Variants in TTC7A observed in about 807,000 individuals in gnomAD.
TTC7A encodes tetratricopeptide repeat domain 7A.
TTC7A carries 110 observed loss-of-function variants against 103.7 expected under a neutral mutation model. The observed-to-expected ratio is 1.06, with a 90% CI of 0.91 to 1.24. The LOEUF (loss-of-function observed/expected upper bound fraction) is 1.24, where lower values mean the gene tolerates loss of function less well. Among genes scored for constraint, TTC7A ranks in the 50% most tolerant of loss-of-function variants. The pLI is 0.00. For missense variants in TTC7A, 1,340 were observed against 1,116.3 expected (o/e 1.20, Z -2.86); for synonymous variants, 521 against 467.9 (o/e 1.11, Z -1.47).
At chr2:46,956,442 C>G (rs1297543805) in intron 2 of TTC7A, among the ~76,000 whole-genome samples, 1 of 152,160 alleles carries the variant, frequency 6.6e-6, no homozygotes, top group Non-Finnish European at 1.5e-5. Context: ...TGGGGCTCCA[C>G]AAAACTTAAC....
rs753872982 is a variant in TTC7A at position 47,029,402 on chromosome 2, ACT to A, written c.1802+21_1802+22del. 12 of 1,612,094 alleles carry A rather than the reference ACT, an allele frequency of 7.4e-6. No homozygotes were observed. In the South Asian group the frequency reaches 9.9e-5, roughly 13 times the overall value. ...AACTTCAAGTGAGTGCCCTGGGAAC[ACT>A]CTGGCAGTGGGGGAGCTGGCTGGCC... On this transcript the variant is annotated intron_variant, in intron 15 of 19. Coordinates refer to ENST00000319190, the MANE Select transcript of TTC7A (RefSeq NM_020458.4).
chr2:46,948,228 C>T (rs1671104742), intron 1 of TTC7A, among the ~76,000 whole-genome samples: 1 of 152,188 alleles, frequency 6.6e-6, no homozygotes, highest in South Asian at 2.1e-4. Flanking sequence ...CCTCTTTAGG[C>T]TCTGACTTCA....
At chr2:47,054,153 C>G (rs1683127599) in intron 18 of TTC7A, 3 of 985,294 alleles carry the variant, frequency 3.0e-6, no homozygotes, top group African/African-American at 1.7e-5. Context: ...GGCGCTGCAT[C>G]AGGGTCAGGC....
chr2:46,932,900 C>CAAAAA (rs34183870), intron 2 of TTC7A, among the ~76,000 whole-genome samples: 1,943 of 69,314 alleles, frequency 0.028, 55 homozygotes, highest in African/African-American at 0.094. Context: ...GACTCCATCT[C>CAAAAA]AAAAAAAAAA....
At chr2:47,056,704 A>G (rs1683347925) in intron 18 of TTC7A, among the ~76,000 whole-genome samples, 5 of 152,200 alleles carry the variant, frequency 3.3e-5, no homozygotes, top group Admixed American at 3.3e-4. Flanking sequence ...TGCCGAGAGA[A>G]AGCACAGAGG....
intron 15 of TTC7A, among the ~76,000 whole-genome samples, chr2:47,039,479 T>G (rs1022024643): frequency 3.0e-4 from 46 of 152,136 alleles, no homozygotes; most frequent in African/African-American, 1.1e-3. Context: ...GGGATGGAGA[T>G]GACCTCTGAC....
intron 3 of TTC7A, among the ~76,000 whole-genome samples, chr2:46,966,610 A>G (rs1256579189): frequency 6.7e-6 from 1 of 149,484 alleles, no homozygotes; most frequent in Non-Finnish European, 1.5e-5. Flanking sequence ...TTTTGCCATT[A>G]TAAATAATAC....
chr2:46,995,346 C>T, intron 8 of TTC7A, 147 bp downstream of exon 8: 1 of 782,184 alleles, frequency 1.3e-6, no homozygotes, highest in Non-Finnish European at 2.1e-6. Context: ...GCCCTGGGCC[C>T]CCATACAGCA....
intron 2 of TTC7A, among the ~76,000 whole-genome samples, chr2:46,931,121 G>A (rs1387511853): frequency 6.6e-6 from 1 of 152,204 alleles, no homozygotes; most frequent in Non-Finnish European, 1.5e-5. Flanking sequence ...CCCCAAAGAT[G>A]TTTATGTCCT....
chr2:46,919,273 G>T (rs1159028272), intron 2 of TTC7A, among the ~76,000 whole-genome samples: 1 of 152,204 alleles, frequency 6.6e-6, no homozygotes, highest in Admixed American at 6.5e-5. Context: ...GGTGGCTCAC[G>T]CCTGTAATCC....
intron 15 of TTC7A, chr2:47,040,612 C>T (rs1160423932): frequency 1.3e-5 from 2 of 152,224 alleles, no homozygotes; most frequent in Non-Finnish European, 2.9e-5. Context: ...CCAAGAAGCT[C>T]AGGGCTTTCT....
intron 2 of TTC7A, chr2:46,951,623 C>G (rs1339008371): frequency 2.2e-6 from 1 of 455,988 alleles, no homozygotes; most frequent in Non-Finnish European, 4.4e-6. Flanking sequence ...GTTACTCAGG[C>G]TGGTCTCCAA....
At chr2:47,029,531 G>T in intron 15 of TTC7A, 147 bp downstream of exon 15, 3 of 916,544 alleles carry the variant, frequency 3.3e-6, no homozygotes, top group Middle Eastern at 3.3e-4. Context: ...AGAGACAGGG[G>T]TGAGGACAGG....
rs755036732 is a variant in TTC7A at position 47,005,925 on chromosome 2, A to C, written c.1069A>C (p.Thr357Pro). 2 of 1,614,004 alleles carry C rather than the reference A, an allele frequency of 1.2e-6. No homozygotes were observed. Among genetic ancestry groups the C allele is most frequent in the Non-Finnish European group, 1.7e-6 (2 of 1,179,958 alleles). Residue 357 changes from threonine (T) to proline (P), a missense_variant, in exon 9 of 20, where the codon ACT (threonine) becomes CCT (proline). Physicochemically the swap from Thr to Pro is conservative, Grantham distance 38. Transcript: ENST00000319190. ...CCAAACAATGTCCCACCCACAGGCAACTCGAGATGTGGTGCTGAGCCGGGT... is the reference window on the plus strand; with the variant it reads ...CCAAACAATGTCCCACCCACAGGCACCTCGAGATGTGGTGCTGAGCCGGGT... The part of the protein sequence containing the change: ...LLLLISESMA[T>P]RDVVLSRVPE...
chr2:47,057,552 T>G (rs900479270), intron 18 of TTC7A, among the ~76,000 whole-genome samples: 9 of 152,188 alleles, frequency 5.9e-5, no homozygotes, highest in Non-Finnish European at 2.9e-5. Context: ...CAGCAAGTTG[T>G]AAACAGCTTA....
rs548315060 is a variant in TTC7A at position 46,972,098 on chromosome 2, C to G, written c.518-2875C>G. Among the ~76,000 whole-genome samples, 11 of 152,086 alleles carry G rather than the reference C, an allele frequency of 7.2e-5. No homozygotes were observed. The South Asian group carries it at 2.3e-3, about 32-fold the overall frequency. ...GCAAAGCTGGATCTAGGTACTCCGT[C>G]TCTTTAAGAATCCACCCTTCTCTGT... On this transcript the variant is annotated intron_variant, in intron 3 of 19. Transcript: ENST00000319190.
chr2:46,957,058 C>T, intron 3 of TTC7A, 51 bp downstream of exon 3: 1 of 1,607,530 alleles, frequency 6.2e-7, no homozygotes, highest in Non-Finnish European at 8.5e-7. Flanking sequence ...CAGCTCGTTG[C>T]ACTCTGACTC....
intron 14 of TTC7A, among the ~76,000 whole-genome samples, chr2:47,025,449 C>T (rs1291167081): frequency 2.0e-5 from 3 of 152,200 alleles, no homozygotes; most frequent in African/African-American, 7.2e-5. Flanking sequence ...CTTATGGTCA[C>T]TTCGGCGGGC....
chr2:47,070,660 G>A (rs1157912207), intron 19 of TTC7A, among the ~76,000 whole-genome samples: 1 of 152,112 alleles, frequency 6.6e-6, no homozygotes, highest in African/African-American at 2.4e-5. Context: ...GCAGAGTCTC[G>A]AGCACTTGAG....
Sources: gnomAD v4.1 joint callset for allele counts (sites outside exome capture counted in the v4.1 genomes callset) on GRCh38, gnomAD v4.1.1 for gene constraint, MANE v1.5 for transcripts, NCBI Gene and HGNC (gene_info 2026-07-23, HGNC 2026-07-21) for gene names.